SH3GL1: variants seen among roughly 807,000 people sequenced by gnomAD.
SH3GL1 encodes the protein SH3 domain containing GRB2 like 1, endophilin A2.
SH3GL1 carries 21 observed loss-of-function variants against 48.8 expected under a neutral mutation model. The ratio of observed to expected loss-of-function variants is 0.43; its 90% confidence interval spans 0.30 to 0.62. SH3GL1 has a LOEUF of 0.62. SH3GL1 is among the 20% of genes least tolerant of loss of function. The pLI is 0.11. For synonymous variants in SH3GL1, 282 were observed against 217.5 expected (o/e 1.30, Z -2.61); for missense variants, 454 against 503.0 (o/e 0.90, Z 0.93).
At chr19:4,391,129 G>A (rs1040447795) in intron 1 of SH3GL1, among the ~76,000 whole-genome samples, 1 of 152,030 alleles carries the variant, frequency 6.6e-6, no homozygotes, top group African/African-American at 2.4e-5. Context: ...AAATGCAACA[G>A]ACACACACAC....
rs201822959 is a variant in SH3GL1, at chr19:4,363,709, G to A, written c.624+11C>T. The A allele has an allele frequency of 2.4e-4, 393 of 1,612,638 alleles. 3 individuals are homozygous for A. Among genetic ancestry groups the A allele is most frequent in the Admixed American group, 6.7e-5 (4 of 60,024 alleles). ...AGGTCTTCTCAGGATGTGACACCCC[G>A]AGCTACTCACGTCAGTCTCCAGGAG... On this transcript the variant is annotated intron_variant, in intron 6 of 9. Transcript: ENST00000269886.
chr19:4,400,445 C>T lies in SH3GL1; in HGVS notation c.-77G>A. 2 of 1,272,364 alleles carry T rather than the reference C, an allele frequency of 1.6e-6. No homozygotes were observed. Among genetic ancestry groups the T allele is most frequent in the South Asian group, 2.3e-5 (1 of 44,314 alleles). 78.8% of individuals were successfully genotyped at this position (1,272,364 alleles called of 1,614,324 possible). The stretch of plus-strand genomic sequence containing the variant: ...CCGGGCGCCGCCGACCCTCTGCGCG[C>T]CTCAGCAGTCCCCGTCGGCGCCGCC... On this transcript the variant is annotated 5_prime_UTR_variant, in exon 1 of 10. Coordinates refer to ENST00000269886, the MANE Select transcript of SH3GL1 (RefSeq NM_003025.4). The surrounding 1 kb of genome is among the most constrained non-coding windows in gnomAD (Gnocchi z 4.1).
intron 1 of SH3GL1, among the ~76,000 whole-genome samples, chr19:4,384,686 T>C (rs546914229): frequency 5.9e-5 from 9 of 152,286 alleles, no homozygotes; most frequent in African/African-American, 2.2e-4. Flanking sequence ...AGACTCTAAA[T>C]GTCCACTGGC....
intron 4 of SH3GL1, 49 bp downstream of exon 4, chr19:4,365,433 G>A (rs534108107): frequency 1.4e-5 from 23 of 1,610,268 alleles, no homozygotes; most frequent in Non-Finnish European, 1.9e-5. Flanking sequence ...CTGTGTTGAG[G>A]TGTGGCCTCC....
intron 1 of SH3GL1, among the ~76,000 whole-genome samples, chr19:4,383,674 G>C (rs1249759281): frequency 6.6e-6 from 1 of 152,176 alleles, no homozygotes; most frequent in East Asian, 1.9e-4. Context: ...TGGCACTGAG[G>C]AACACGAGAC....
chr19:4,381,154 CCT>C (rs1197489131), intron 1 of SH3GL1, among the ~76,000 whole-genome samples: 3 of 123,144 alleles, frequency 2.4e-5, no homozygotes, highest in Admixed American at 8.3e-5. Flanking sequence ...TGTTCCCCTG[CCT>C]CTGTCTCCCC....
chr19:4,361,825 G>T, intron 9 of SH3GL1, 29 bp from the exon 10 acceptor site: 1 of 1,516,304 alleles, frequency 6.6e-7, no homozygotes. Context: ...TGTGGGGCTG[G>T]GGCTGCTACG....
intron 1 of SH3GL1, among the ~76,000 whole-genome samples, chr19:4,378,045 C>T (rs1254864555): frequency 6.6e-6 from 1 of 152,206 alleles, no homozygotes; most frequent in Non-Finnish European, 1.5e-5. Flanking sequence ...TCTCTGTCCT[C>T]AAACACAAGC....
rs913606686 is a variant in SH3GL1, at chr19:4,367,678, G to C, written c.46-684C>G. ...GATGACAATGACAGGCACTTACAGCGTCTTTCCTCGTGTGGTGGGAAGGCA... is the reference window on the plus strand; with the variant it reads ...GATGACAATGACAGGCACTTACAGCCTCTTTCCTCGTGTGGTGGGAAGGCA... On this transcript the variant is annotated intron_variant, in intron 1 of 9. Coordinates refer to ENST00000269886, the MANE Select transcript of SH3GL1 (RefSeq NM_003025.4). The surrounding 1 kb of genome is among the most constrained non-coding windows in gnomAD (Gnocchi z 4.2). 2.0e-5 allele frequency among the ~76,000 whole-genome samples: 3 copies of C among 152,194 alleles called. No homozygotes were observed. The highest frequency in any genetic ancestry group is 2.9e-5 in the Non-Finnish European group (2 of 68,034).
chr19:4,392,385 G>A (rs1311519148), intron 1 of SH3GL1, among the ~76,000 whole-genome samples: 1 of 152,008 alleles, frequency 6.6e-6, no homozygotes, highest in Non-Finnish European at 1.5e-5. Context: ...TTGGCCAGCT[G>A]TGGTGGCGCA....
chr19:4,385,938 C>T (rs766215279), intron 1 of SH3GL1, among the ~76,000 whole-genome samples: 35 of 152,308 alleles, frequency 2.3e-4, no homozygotes, highest in Non-Finnish European at 4.3e-4. Flanking sequence ...TGACCAGAGT[C>T]AGCAAGAAGC....
chr19:4,364,905 TA>T (rs1972735462), intron 4 of SH3GL1, among the ~76,000 whole-genome samples: 1 of 107,390 alleles, frequency 9.3e-6, no homozygotes, highest in African/African-American at 3.9e-5. Context: ...TGTGTATATA[TA>T]TATATATATA....
intron 1 of SH3GL1, among the ~76,000 whole-genome samples, chr19:4,398,694 C>G (rs969026089): frequency 6.6e-6 from 1 of 152,084 alleles, no homozygotes; most frequent in Non-Finnish European, 1.5e-5. Context: ...TTCTTGCATT[C>G]GAAATTGCAA....
intron 1 of SH3GL1, among the ~76,000 whole-genome samples, chr19:4,374,697 C>A (rs374251930): frequency 7.2e-5 from 11 of 152,230 alleles, no homozygotes; most frequent in African/African-American, 2.7e-4. Context: ...TGTGGCCTTG[C>A]AGCCCGGCCT....
chr19:4,392,670 G>A (rs1226891021), intron 1 of SH3GL1, among the ~76,000 whole-genome samples: 3 of 151,816 alleles, frequency 2.0e-5, no homozygotes, highest in African/African-American at 4.8e-5. Flanking sequence ...GGTCAGGGCC[G>A]GGCACGTGGC....
intron 1 of SH3GL1, among the ~76,000 whole-genome samples, chr19:4,373,879 G>A (rs965438043): frequency 6.6e-6 from 1 of 152,176 alleles, no homozygotes; most frequent in African/African-American, 2.4e-5. Context: ...AGACATTGGG[G>A]GCCATGGTGC....
chr19:4,391,065 C>T (rs944731169), intron 1 of SH3GL1, among the ~76,000 whole-genome samples: 7 of 152,334 alleles, frequency 4.6e-5, no homozygotes, highest in African/African-American at 1.7e-4. Context: ...CACAGAGACA[C>T]AGGCAGGTCT....
At chr19:4,365,692 G>A in intron 3 of SH3GL1, 67 bp from the exon 4 acceptor site, 1 of 1,598,500 alleles carries the variant, frequency 6.3e-7, no homozygotes, top group Non-Finnish European at 8.5e-7. Flanking sequence ...GCAGACTGCA[G>A]CCCCCACATC....
At chr19:4,362,587 G>A (rs112689513) in intron 8 of SH3GL1, 25 bp downstream of exon 8, 158 of 1,612,654 alleles carry the variant, frequency 9.8e-5, no homozygotes, top group East Asian at 3.8e-4. Context: ...ATTTGCCTCC[G>A]CAAGAGGGCT....
Sources: allele counts gnomAD v4.1 joint callset (sites outside exome capture counted in the v4.1 genomes callset), GRCh38; gene constraint gnomAD v4.1.1; non-coding constraint Gnocchi (gnomAD v3.1); transcripts MANE v1.5; gene names NCBI Gene and HGNC (gene_info 2026-07-23, HGNC 2026-07-21).